KIF16B: variants seen among roughly 807,000 people sequenced by gnomAD.
The protein encoded by KIF16B is kinesin-like protein KIF16B.
A neutral mutation model predicts 156.3 loss-of-function variants in KIF16B; 98 were observed. The ratio of observed to expected loss-of-function variants is 0.63; its 90% CI spans 0.53 to 0.74. The LOEUF is 0.74. Among genes scored for constraint, KIF16B ranks in the 30% least tolerant of loss-of-function variants. The probability of loss-of-function intolerance (pLI) is 0.00; values close to 1 mark genes in which losing one functional copy is unlikely to be tolerated. For synonymous variants in KIF16B, 564 were observed against 583.7 expected, an observed-to-expected ratio of 0.97 and a Z score of 0.49; for missense variants, 1,421 against 1,606.5, an observed-to-expected ratio of 0.88 and a Z score of 1.97.
At chr20:16,491,832 G>A (rs531646641) in intron 12 of KIF16B, among the ~76,000 whole-genome samples, 1 of 152,286 alleles carries the variant, frequency 6.6e-6, no homozygotes, top group Admixed American at 6.5e-5. Context: ...CAGGACCGTG[G>A]ATTCCACTCA....
intron 15 of KIF16B, among the ~76,000 whole-genome samples, chr20:16,413,844 C>T (rs967454201): frequency 7.2e-5 from 11 of 151,792 alleles, no homozygotes; most frequent in African/African-American, 2.4e-4. Context: ...CAAACTCTGT[C>T]AGGAACATAC....
intron 1 of KIF16B, among the ~76,000 whole-genome samples, chr20:16,551,799 G>T (rs1344467584): frequency 6.6e-6 from 1 of 152,114 alleles, no homozygotes; most frequent in Non-Finnish European, 1.5e-5. Context: ...CATTTCTGTG[G>T]CTCAGCTGAC....
At chr20:16,461,395 T>C (rs1356192900) in intron 12 of KIF16B, among the ~76,000 whole-genome samples, 3 of 151,994 alleles carry the variant, frequency 2.0e-5, no homozygotes, top group Admixed American at 6.6e-5. Context: ...AATCAACATG[T>C]AGAAAAAAGC....
chr20:16,423,616 G>C (rs2066278790), intron 15 of KIF16B, among the ~76,000 whole-genome samples: 1 of 152,088 alleles, frequency 6.6e-6, no homozygotes, highest in South Asian at 2.1e-4. Context: ...TTATAACAAG[G>C]TTACTTCCTT....
At chr20:16,456,096 C>CCAATAGAATACAATA (rs2067204601) in intron 12 of KIF16B, among the ~76,000 whole-genome samples, 1 of 143,308 alleles carries the variant, frequency 7.0e-6, no homozygotes, top group African/African-American at 2.6e-5. Flanking sequence ...TCTACTGGAG[C>CCAATAGAATACAATA]CAATACAATA....
At chr20:16,491,725 G>A (rs963860462) in intron 12 of KIF16B, among the ~76,000 whole-genome samples, 2 of 152,140 alleles carry the variant, frequency 1.3e-5, no homozygotes, top group East Asian at 1.9e-4. Flanking sequence ...CTCCAGCCAC[G>A]ATGACCATGT....
intron 25 of KIF16B, among the ~76,000 whole-genome samples, chr20:16,279,608 A>T (rs2063116314): frequency 6.6e-6 from 1 of 152,144 alleles, no homozygotes; most frequent in African/African-American, 2.4e-5. Flanking sequence ...GCTAAGATGG[A>T]GGTATCTGCC....
intron 15 of KIF16B, among the ~76,000 whole-genome samples, chr20:16,416,636 G>A (rs966432794): frequency 2.0e-5 from 3 of 151,756 alleles, no homozygotes; most frequent in Admixed American, 2.0e-4. Flanking sequence ...TAATACCTAG[G>A]TGATGGGTTG....
At chr20:16,528,302 A>T in intron 2 of KIF16B, 69 bp downstream of exon 2, 1 of 1,176,020 alleles carries the variant, frequency 8.5e-7, no homozygotes, top group Non-Finnish European at 1.3e-6. Context: ...TTATTTACTC[A>T]TTAGTCATCC....
chr20:16,368,712 T>C (rs76786175), intron 22 of KIF16B: 1 of 985,928 alleles, frequency 1.0e-6, no homozygotes, highest in Non-Finnish European at 1.2e-6. Flanking sequence ...CAGACGCCAG[T>C]ACGCTCTGCG....
intron 24 of KIF16B, among the ~76,000 whole-genome samples, chr20:16,316,285 C>T (rs1330162411): frequency 6.6e-6 from 1 of 151,840 alleles, no homozygotes. Context: ...ATCAGCGATA[C>T]CTAAGCCAAT....
chr20:16,358,748 A>G (rs2064494387), intron 22 of KIF16B, among the ~76,000 whole-genome samples: 1 of 152,240 alleles, frequency 6.6e-6, no homozygotes, highest in African/African-American at 2.4e-5. Context: ...ATGAATATGT[A>G]TCTTGTCATC....
intron 22 of KIF16B, chr20:16,367,189 T>C (rs1447729882): frequency 6.2e-7 from 1 of 1,610,324 alleles, no homozygotes; most frequent in Non-Finnish European, 8.5e-7. Context: ...AGCCTCATCT[T>C]GAGAATTGAA....
At chr20:16,371,260 C>T (rs536858953) in intron 21 of KIF16B, among the ~76,000 whole-genome samples, 7 of 152,314 alleles carry the variant, frequency 4.6e-5, no homozygotes, top group Admixed American at 2.0e-4. Flanking sequence ...GACCCCACCA[C>T]TACCACCAAA....
intron 25 of KIF16B, among the ~76,000 whole-genome samples, chr20:16,279,958 C>T (rs1433446780): frequency 1.3e-5 from 2 of 152,132 alleles, no homozygotes; most frequent in Non-Finnish European, 2.9e-5. Context: ...CATGGCACCT[C>T]AATTAGTTTA....
At chr20:16,397,998 C>T (rs1193122990) in intron 17 of KIF16B, among the ~76,000 whole-genome samples, 1 of 152,188 alleles carries the variant, frequency 6.6e-6, no homozygotes, top group East Asian at 1.9e-4. Flanking sequence ...TAGTGCCTGC[C>T]CTCAAGAAGC....
chr20:16,334,240 G>A (rs2063997252), intron 24 of KIF16B, among the ~76,000 whole-genome samples: 3 of 152,244 alleles, frequency 2.0e-5, no homozygotes, highest in African/African-American at 4.8e-5. Context: ...AATTAAATAC[G>A]CAAAATCCGT....
chr20:16,466,564 C>T (rs1335363432), intron 12 of KIF16B, among the ~76,000 whole-genome samples: 3 of 152,242 alleles, frequency 2.0e-5, no homozygotes, highest in Admixed American at 6.5e-5. Flanking sequence ...CACATGCTCT[C>T]TTGCCTGCTG....
intron 1 of KIF16B, among the ~76,000 whole-genome samples, chr20:16,540,463 AG>A (rs1264820870): frequency 6.6e-6 from 1 of 152,236 alleles, no homozygotes; most frequent in African/African-American, 2.4e-5. Flanking sequence ...TTCATGCTCT[AG>A]AACAAGTCTA....
Sources: allele counts gnomAD v4.1 joint callset (sites outside exome capture counted in the v4.1 genomes callset), GRCh38; gene constraint gnomAD v4.1.1; transcripts MANE v1.5; gene names NCBI Gene and HGNC (gene_info 2026-07-23, HGNC 2026-07-21).